LURAP1L: variants seen among roughly 807,000 people sequenced by gnomAD.
LURAP1L encodes the protein leucine rich adaptor protein 1 like.
Under a neutral mutation model 13.8 loss-of-function variants are expected in LURAP1L, and 12 were observed. That is an observed-to-expected ratio of 0.87 (90% CI 0.56 to 1.41). LURAP1L has a LOEUF of 1.41. LURAP1L is among the 40% of genes most tolerant of loss of function. The pLI, the probability that LURAP1L is intolerant of heterozygous loss-of-function variation, is 0.00. For missense variants in LURAP1L, 375 were observed against 292.9 expected (o/e 1.28, Z -2.04); for synonymous variants, 139 against 119.2 (o/e 1.17, Z -1.08).
chr9:12,786,535 GTATATATATGACATA>G (rs1819352956), intron 1 of LURAP1L, among the ~76,000 whole-genome samples: 1 of 38,294 alleles, frequency 2.6e-5, no homozygotes, highest in East Asian at 6.5e-4. Context: ...TGGCTAACAT[GTATATATATGACATA>G]TATATATATA....
chr9:12,798,281 G>C (rs529178839), intron 1 of LURAP1L, among the ~76,000 whole-genome samples: 4 of 152,120 alleles, frequency 2.6e-5, no homozygotes, highest in Non-Finnish European at 5.9e-5. Flanking sequence ...CTGGCCACCA[G>C]CAAACATATT....
intron 1 of LURAP1L, among the ~76,000 whole-genome samples, chr9:12,801,702 T>C (rs1327963326): frequency 6.6e-6 from 1 of 152,228 alleles, no homozygotes; most frequent in Non-Finnish European, 1.5e-5. Context: ...TTATATTCAT[T>C]CTTTTTAAAG....
chr9:12,788,113 A>C (rs1819383778), intron 1 of LURAP1L, among the ~76,000 whole-genome samples: 1 of 148,620 alleles, frequency 6.7e-6, no homozygotes, highest in Non-Finnish European at 1.5e-5. Flanking sequence ...CAAAAAAGAA[A>C]GAAAGAATGA....
chr9:12,777,063 T>G (rs1299462331), intron 1 of LURAP1L: 1 of 208,734 alleles, frequency 4.8e-6, no homozygotes, highest in African/African-American at 2.4e-5. Context: ...TTAAATTAAC[T>G]TCACAGTTGC....
At chr9:12,821,052 A>G (rs1338167391) in intron 1 of LURAP1L, among the ~76,000 whole-genome samples, 1 of 152,146 alleles carries the variant, frequency 6.6e-6, no homozygotes, top group African/African-American at 2.4e-5. Context: ...CGTAAACATT[A>G]ATAAACTTAA....
intron 1 of LURAP1L, among the ~76,000 whole-genome samples, chr9:12,805,785 G>A (rs1016558247): frequency 1.3e-5 from 2 of 152,058 alleles, no homozygotes; most frequent in Admixed American, 6.6e-5. Context: ...CTCTGGAATC[G>A]GCTGTTTTAT....
At chr9:12,820,005 C>A (rs990332277) in intron 1 of LURAP1L, among the ~76,000 whole-genome samples, 5 of 152,082 alleles carry the variant, frequency 3.3e-5, no homozygotes, top group African/African-American at 9.7e-5. Flanking sequence ...CCTCTAGTGG[C>A]CAAACATGGT....
chr9:12,793,845 C>T (rs1021139268), intron 1 of LURAP1L, among the ~76,000 whole-genome samples: 1 of 152,152 alleles, frequency 6.6e-6, no homozygotes, highest in Non-Finnish European at 1.5e-5. Context: ...ACTGCTCAAA[C>T]ATTTTGATTT....
chr9:12,800,091 AT>A (rs1819563711), intron 1 of LURAP1L, among the ~76,000 whole-genome samples: 1 of 152,134 alleles, frequency 6.6e-6, no homozygotes, highest in South Asian at 2.1e-4. Flanking sequence ...ATACAATATT[AT>A]TAACTATAGT....
chr9:12,776,252 C>T (rs1035242387), intron 1 of LURAP1L, among the ~76,000 whole-genome samples: 3 of 152,132 alleles, frequency 2.0e-5, no homozygotes, highest in Admixed American at 6.5e-5. Flanking sequence ...GCAAAGACAG[C>T]ACAGTCGGCT....
intron 1 of LURAP1L, among the ~76,000 whole-genome samples, chr9:12,798,505 G>A (rs1047174464): frequency 6.6e-6 from 1 of 152,134 alleles, no homozygotes; most frequent in Admixed American, 6.5e-5. Flanking sequence ...TTCACCTTTT[G>A]TAGTAAGAAC....
chr9:12,813,248 T>G (rs1253090957), intron 1 of LURAP1L, among the ~76,000 whole-genome samples: 1 of 152,282 alleles, frequency 6.6e-6, no homozygotes, highest in East Asian at 1.9e-4. Flanking sequence ...TTTAAAGTAT[T>G]TATATAAACC....
At chr9:12,797,373 C>T (rs1225750810) in intron 1 of LURAP1L, among the ~76,000 whole-genome samples, 1 of 152,086 alleles carries the variant, frequency 6.6e-6, no homozygotes, top group African/African-American at 2.4e-5. Flanking sequence ...TTTATAAAAG[C>T]AGCACACACA....
chr9:12,789,646 T>C (rs572815927), intron 1 of LURAP1L, among the ~76,000 whole-genome samples: 24 of 152,250 alleles, frequency 1.6e-4, no homozygotes, highest in African/African-American at 5.5e-4. Context: ...TATGGACAGG[T>C]CTATCATAGG....
At chr9:12,790,033 A>T (rs1819418815) in intron 1 of LURAP1L, among the ~76,000 whole-genome samples, 1 of 152,216 alleles carries the variant, frequency 6.6e-6, no homozygotes. Context: ...TTTTAGTCAC[A>T]CTGTAAAACT....
Position 12,822,040 on chromosome 9 carries a change from T to C in LURAP1L, c.*280T>C. 3.3e-6 allele frequency: 1 copy of C among 307,332 alleles called. No individual in the cohort carries two copies. Among genetic ancestry groups the C allele is most frequent in the Non-Finnish European group, 5.9e-6 (1 of 168,294 alleles). 19.0% of individuals were successfully genotyped at this position (307,332 alleles called of 1,614,324 possible). On this transcript the variant is annotated 3_prime_UTR_variant, in exon 2 of 2. Transcript: ENST00000319264. The stretch of plus-strand genomic sequence containing the variant: ...GGGGGAAAAGAATAAGCAATAATTA[T>C]GTTTTTGCTTTTGTTTTCAGAGCAA...
chr9:12,778,142 G>A (rs1819217526), intron 1 of LURAP1L, among the ~76,000 whole-genome samples: 1 of 152,142 alleles, frequency 6.6e-6, no homozygotes, highest in South Asian at 2.1e-4. Context: ...CTCTGGTCTG[G>A]TGGAAGCTTC....
At chr9:12,800,416 T>C (rs555536660) in intron 1 of LURAP1L, among the ~76,000 whole-genome samples, 16 of 152,292 alleles carry the variant, frequency 1.1e-4, no homozygotes, top group African/African-American at 3.6e-4. Flanking sequence ...CCCAGTCATC[T>C]GAGATCCAAA....
In LURAP1L at chr9:12,775,646, C is replaced by G. The variant is rs1470276586; in HGVS notation, c.-70C>G. The G allele has an allele frequency of 6.6e-7, 1 of 1,511,500 alleles. No homozygotes were observed. The highest frequency in any genetic ancestry group is 1.4e-5 in the African/African-American group (1 of 71,490). The allele number at this position is 1,511,500 out of a possible 1,614,324, so 93.6% of individuals were successfully genotyped here. A position where few individuals can be genotyped will look rare whatever the true frequency, so the allele number is the denominator to read the frequency against. On this transcript the variant is annotated 5_prime_UTR_variant, in exon 1 of 2. Coordinates refer to ENST00000319264, the MANE Select transcript of LURAP1L (RefSeq NM_203403.2). ...CCGGAGAGGTCTGCTGATTTCGCAG[C>G]AGCCTTCGAAGCCGTGGCTGCCTTT...
Sources: allele counts gnomAD v4.1 joint callset (sites outside exome capture counted in the v4.1 genomes callset), GRCh38; gene constraint gnomAD v4.1.1; transcripts MANE v1.5; gene names NCBI Gene and HGNC (gene_info 2026-07-23, HGNC 2026-07-21).